The following LARP7 variants were observed in gnomAD, a reference collection of about 807,000 sequenced individuals.
LARP7 encodes la-related protein 7.
LARP7 carries 52 observed loss-of-function variants against 69.3 expected under a neutral mutation model. That is an observed-to-expected ratio of 0.75 (90% CI 0.60 to 0.95). LARP7 has a LOEUF of 0.95. Ranked by LOEUF, LARP7 falls within the 40% of genes least tolerant of loss-of-function variation. The probability of loss-of-function intolerance (pLI) is 0.00; values close to 1 mark genes in which losing one functional copy is unlikely to be tolerated. For missense variants in LARP7, 733 were observed against 673.0 expected, an observed-to-expected ratio of 1.09 and a Z score of -0.99; for synonymous variants, 254 against 215.9, an observed-to-expected ratio of 1.18 and a Z score of -1.55.
At chr4:112,645,692 T>C (rs2048172861) in intron 2 of LARP7, 2 of 444,234 alleles carry the variant, frequency 4.5e-6, no homozygotes, top group South Asian at 3.2e-5. Context: ...CTTTTTTTTC[T>C]GGCATTTTTA....
chr4:112,652,306 C>A (rs892372265), intron 10 of LARP7, among the ~76,000 whole-genome samples: 80 of 132,316 alleles, frequency 6.0e-4, no homozygotes, highest in African/African-American at 1.9e-3. Flanking sequence ...CCCCCCCCCC[C>A]ATTTAGCAAT....
intron 5 of LARP7, 28 bp from the exon 6 acceptor site, chr4:112,647,006 A>G: frequency 6.3e-7 from 1 of 1,587,256 alleles, no homozygotes; most frequent in Non-Finnish European, 8.5e-7. Flanking sequence ...AACAAGTATT[A>G]AAATAGTAAC....
At position 112,657,560 on chromosome 4, in the gene LARP7, TA is replaced by T; in HGVS notation, c.*234del. On this transcript the variant is annotated 3_prime_UTR_variant, in exon 13 of 13. Coordinates refer to ENST00000344442, the MANE Select transcript of LARP7 (RefSeq NM_016648.4). ...TCTTAGATGTCAGTGTCAGGTGATT[TA>T]GTAAATAAATGTGTTTTGAACATTA... The T allele has an allele frequency of 3.6e-6, 1 of 280,402 alleles. No homozygotes were observed. Among genetic ancestry groups the T allele is most frequent in the East Asian group, 6.3e-5 (1 of 15,882 alleles). 17.4% of individuals were successfully genotyped at this position (280,402 alleles called of 1,614,324 possible). A position where few individuals can be genotyped will look rare whatever the true frequency, so the allele number is the denominator to read the frequency against.
intron 1 of LARP7, 82 bp from the exon 2 acceptor site, chr4:112,644,586 A>G (rs2048091342): frequency 2.7e-6 from 3 of 1,123,218 alleles, no homozygotes; most frequent in Non-Finnish European, 3.7e-6. Context: ...TCTCTCAGAC[A>G]GTTAAAGGCT....
chr4:112,653,538 G>A (rs575950668), intron 11 of LARP7, among the ~76,000 whole-genome samples: 1 of 152,036 alleles, frequency 6.6e-6, no homozygotes, highest in African/African-American at 2.4e-5. Context: ...AGGCTGGAGT[G>A]CTGTGGTGCG....
intron 2 of LARP7, among the ~76,000 whole-genome samples, chr4:112,646,083 G>T (rs571863111): frequency 8.6e-4 from 131 of 151,958 alleles, no homozygotes; most frequent in Middle Eastern, 3.4e-3. Flanking sequence ...GGGTTCAAGC[G>T]ATTCTCCTAC....
rs1213785593 is a variant in LARP7 at position 112,646,940 on chromosome 4, A to C, written c.537A>C (p.Ala179=). 6.2e-7 allele frequency: 1 copy of C among 1,605,376 alleles called. No homozygotes were observed. Among genetic ancestry groups the C allele is most frequent in the Non-Finnish European group, 8.5e-7 (1 of 1,177,966 alleles). Residue 179 remains alanine (A), a synonymous_variant, in exon 5 of 13, where the codon GCA becomes GCC. Transcript: ENST00000344442. The part of the protein sequence containing the change: ...AFVEFETKEQ[A]AKAIEFLNNP... ...TGGAATTTGAAACAAAAGAACAAGCAGCAAAAGCAATTGAGGTAAGTCCAG... is the reference window on the plus strand; with the variant it reads ...TGGAATTTGAAACAAAAGAACAAGCCGCAAAAGCAATTGAGGTAAGTCCAG...
chr4:112,646,252 G>T, intron 2 of LARP7, 99 bp from the exon 3 acceptor site: 1 of 592,196 alleles, frequency 1.7e-6, no homozygotes, highest in Non-Finnish European at 3.0e-6. Context: ...TTACAGGCAT[G>T]AGCCACCGAG....
chr4:112,653,515 G>A (rs900299358), intron 11 of LARP7, among the ~76,000 whole-genome samples: 32 of 151,604 alleles, frequency 2.1e-4, no homozygotes, highest in African/African-American at 6.3e-4. Flanking sequence ...ACAGAGTTTC[G>A]CTCTTGTTGC....
Position 112,647,248 on chromosome 4 carries a change from C to A in LARP7, c.696C>A (p.Asp232Glu), listed in dbSNP as rs773219216. 2.5e-6 allele frequency: 4 copies of A among 1,607,080 alleles called. No homozygotes were observed. Among genetic ancestry groups the A allele is most frequent in the Non-Finnish European group, 3.4e-6 (4 of 1,178,310 alleles). ...AGAAAGGCCGAATGAAAAAGGAAGACAATATCCAAGCCAAAGAAGAAAACA... is the reference window on the plus strand; with the variant it reads ...AGAAAGGCCGAATGAAAAAGGAAGAAAATATCCAAGCCAAAGAAGAAAACA... ...KKKKGRMKKE[D>E]NIQAKEENMD... Residue 232 changes from aspartate (D) to glutamate (E), a missense_variant, in exon 7 of 13, where the codon GAC becomes GAA. Asp to Glu is a conservative substitution (Grantham distance 45). Coordinates refer to ENST00000344442, the MANE Select transcript of LARP7 (RefSeq NM_016648.4).
At chr4:112,644,539 CT>C (rs2048089404) in intron 1 of LARP7, 128 bp from the exon 2 acceptor site, 2 of 1,048,548 alleles carry the variant, frequency 1.9e-6, no homozygotes, top group Non-Finnish European at 1.3e-6. Flanking sequence ...AATGTTCTTT[CT>C]GTTTGTCTTC....
At chr4:112,647,615 A>G in intron 7 of LARP7, 66 bp downstream of exon 7, 1 of 1,472,194 alleles carries the variant, frequency 6.8e-7, no homozygotes, top group Non-Finnish European at 9.0e-7. Flanking sequence ...TTAATTAATT[A>G]GGTTTTAATT....
intron 10 of LARP7, 122 bp downstream of exon 10, chr4:112,650,704 CTACTG>C: frequency 1.9e-6 from 2 of 1,049,088 alleles, no homozygotes; most frequent in Non-Finnish European, 2.7e-6. Flanking sequence ...CTATGGTAAA[CTACTG>C]TACAGTTTTA....
chr4:112,650,808 A>G (rs2048694024), intron 10 of LARP7, among the ~76,000 whole-genome samples: 1 of 152,166 alleles, frequency 6.6e-6, no homozygotes, highest in Non-Finnish European at 1.5e-5. Context: ...CAGTTTAAAC[A>G]TCCTTCTCTA....
intron 8 of LARP7, chr4:112,648,851 C>CTTT (rs58275837): frequency 4.0e-5 from 6 of 149,204 alleles, no homozygotes; most frequent in Admixed American, 6.3e-5. Flanking sequence ...GGTCTGGATC[C>CTTT]TTTTTTTTTT....
At chr4:112,646,508 T>C (rs2048253524) in intron 3 of LARP7, 57 bp downstream of exon 3, 1 of 1,274,582 alleles carries the variant, frequency 7.8e-7, no homozygotes, top group Non-Finnish European at 1.1e-6. Flanking sequence ...TAAAGAATGT[T>C]AACGTAATGA....
At chr4:112,640,190 C>T (rs1311559841) in intron 1 of LARP7, among the ~76,000 whole-genome samples, 5 of 152,010 alleles carry the variant, frequency 3.3e-5, no homozygotes, top group Non-Finnish European at 7.4e-5. Flanking sequence ...ACACCTGGCT[C>T]GGCCTCCCAA....
Position 112,646,426 on chromosome 4 carries a change from C to T in LARP7, c.278C>T (p.Ala93Val), listed in dbSNP as rs1411893627. 1 of 1,602,476 alleles carries T rather than the reference C, an allele frequency of 6.2e-7. No individual in the cohort carries two copies. The highest frequency in any genetic ancestry group is 8.5e-7 in the Non-Finnish European group (1 of 1,171,110). ...ACTGATGGGAAGTTAATTGCCAGAG[C>T]ATTGAGAAGTTCAGCTGTTGTAGAG... The part of the protein sequence containing the change: ...LTTDGKLIAR[A>V]LRSSAVVELD... Residue 93 changes from alanine (A) to valine (V), a missense_variant, in exon 3 of 13, where the codon GCA becomes GTA. Coordinates refer to ENST00000344442, the MANE Select transcript of LARP7 (RefSeq NM_016648.4).
At chr4:112,651,227 T>C (rs952613950) in intron 10 of LARP7, among the ~76,000 whole-genome samples, 1 of 152,238 alleles carries the variant, frequency 6.6e-6, no homozygotes, top group African/African-American at 2.4e-5. Flanking sequence ...TTTCTTATAC[T>C]GACATTCATC....
Sources: allele counts gnomAD v4.1 joint callset (sites outside exome capture counted in the v4.1 genomes callset), GRCh38; gene constraint gnomAD v4.1.1; transcripts MANE v1.5; gene names NCBI Gene and HGNC (gene_info 2026-07-23, HGNC 2026-07-21).